EPHA6: variants seen among roughly 807,000 people sequenced by gnomAD.
EPHA6 encodes the protein EPH receptor A6, also known as ephrin type-A receptor 6.
Under a neutral mutation model 112.0 loss-of-function variants are expected in EPHA6, and 50 were observed. The observed-to-expected ratio is 0.45, with a 90% CI of 0.36 to 0.56. The LOEUF is 0.56. Ranked by LOEUF, EPHA6 falls within the 20% of genes least tolerant of loss-of-function variation. The pLI, the probability that EPHA6 is intolerant of heterozygous loss-of-function variation, is 0.00. For missense variants in EPHA6, 1,280 were observed against 1,417.4 expected, an observed-to-expected ratio of 0.90 and a Z score of 1.56; for synonymous variants, 529 against 490.7, an observed-to-expected ratio of 1.08 and a Z score of -1.03.
chr3:97,593,484 A>T (rs1009469387), intron 12 of EPHA6, among the ~76,000 whole-genome samples: 1 of 152,166 alleles, frequency 6.6e-6, no homozygotes, highest in Non-Finnish European at 1.5e-5. Flanking sequence ...CAGAATTCAA[A>T]TATTGATTCT....
At chr3:97,046,359 G>C (rs1282566181) in intron 3 of EPHA6, among the ~76,000 whole-genome samples, 1 of 152,048 alleles carries the variant, frequency 6.6e-6, no homozygotes, top group East Asian at 1.9e-4. Context: ...TCCTTTGATA[G>C]ATTTTAACAC....
Position 97,730,395 on chromosome 3 carries a change from T to C in EPHA6, c.2935-5530T>C, listed in dbSNP as rs143884207. Among the ~76,000 whole-genome samples the C allele has an allele frequency of 5.9e-5, 9 of 152,258 alleles. No individual in the cohort carries two copies. The East Asian group carries it at 1.7e-3, about 29-fold the overall frequency. On this transcript the variant is annotated intron_variant, in intron 15 of 17. Transcript: ENST00000389672. ...TAAGATAATAATTTCTGACAGAATG[T>C]AATTCCTTCTAACTTTTCATAAAAA...
At chr3:97,567,857 G>C (rs2093287359) in intron 11 of EPHA6, among the ~76,000 whole-genome samples, 1 of 152,160 alleles carries the variant, frequency 6.6e-6, no homozygotes, top group African/African-American at 2.4e-5. Flanking sequence ...GTGCTCAGGA[G>C]GCAGAAGACA....
chr3:97,358,467 T>C (rs900357543), intron 5 of EPHA6, among the ~76,000 whole-genome samples: 1 of 152,186 alleles, frequency 6.6e-6, no homozygotes, highest in Non-Finnish European at 1.5e-5. Context: ...TTTAAAGTTA[T>C]GTAAAAAACT....
intron 14 of EPHA6, among the ~76,000 whole-genome samples, chr3:97,651,958 G>T (rs187408665): frequency 2.6e-5 from 4 of 152,054 alleles, no homozygotes; most frequent in Admixed American, 2.0e-4. Flanking sequence ...CCACCACCCA[G>T]GTAGTGAGCA....
chr3:97,010,085 C>A (rs2044031095), intron 3 of EPHA6: 10 of 1,285,820 alleles, frequency 7.8e-6, no homozygotes, highest in Middle Eastern at 2.5e-4. Flanking sequence ...AAAGAAAAAG[C>A]AAAAGAGTAG....
Position 96,987,628 on chromosome 3 carries a change from G to A in EPHA6, c.749G>A (p.Ser250Asn), listed in dbSNP as rs2043070338. 1 of 1,611,506 alleles carries A rather than the reference G, an allele frequency of 6.2e-7. No homozygotes were observed. Among genetic ancestry groups the A allele is most frequent in the Admixed American group, 1.7e-5 (1 of 59,920 alleles). Reference sequence around the variant, plus strand: ...ATCGACACAATTGCTGCTGATGAGAGTTTTACCCAGATGGATTTGGGTGAT... The same window carrying A: ...ATCGACACAATTGCTGCTGATGAGAATTTTACCCAGATGGATTTGGGTGAT... ...TKIDTIAADESFTQMDLGDRI... is the reference protein window; with the variant it reads ...TKIDTIAADENFTQMDLGDRI... The change falls in exon 3 of 18, where the codon AGT becomes AAT. Residue 250 changes from serine to asparagine, a missense_variant. This residue lies in a region of EPHA6 where 878 missense variants were observed against 999.7 expected (regional missense o/e 0.88). Transcript: ENST00000389672.
chr3:97,214,915 A>G (rs914274020), intron 3 of EPHA6, among the ~76,000 whole-genome samples: 8 of 152,220 alleles, frequency 5.3e-5, no homozygotes, highest in African/African-American at 1.9e-4. Context: ...TTTATTGTAC[A>G]GCAGCATCTA....
At chr3:96,951,454 A>G (rs984005959) in intron 2 of EPHA6, among the ~76,000 whole-genome samples, 2 of 152,158 alleles carry the variant, frequency 1.3e-5, no homozygotes, top group Admixed American at 6.5e-5. Flanking sequence ...CAAGTATTTG[A>G]GAGACAATCT....
In EPHA6 at chr3:97,752,520, C is replaced by T. The variant is rs574938158; in HGVS notation, c.*3819C>T. The stretch of plus-strand genomic sequence containing the variant: ...TTTATTCCTTTCTCAGCTTCTATCA[C>T]GCCACACATTATCTCAATCAGCATA... On this transcript the variant is annotated 3_prime_UTR_variant, in exon 18 of 18. Transcript: ENST00000389672. 17 of 219,212 alleles carry T rather than the reference C, an allele frequency of 7.8e-5. No homozygotes were observed. Among genetic ancestry groups the T allele is most frequent in the African/African-American group, 1.8e-4 (8 of 44,542 alleles). The allele number at this position is 219,212 out of a possible 1,614,324, so 13.6% of individuals were successfully genotyped here. A position where few individuals can be genotyped will look rare whatever the true frequency, so the allele number is the denominator to read the frequency against.
chr3:97,640,465 T>C (rs1172727551), intron 14 of EPHA6, among the ~76,000 whole-genome samples: 2 of 152,102 alleles, frequency 1.3e-5, no homozygotes, highest in East Asian at 3.9e-4. Context: ...TAGACGCATG[T>C]CTTAGAAGAT....
At chr3:97,191,833 TG>T (rs2077314373) in intron 3 of EPHA6, among the ~76,000 whole-genome samples, 1 of 152,158 alleles carries the variant, frequency 6.6e-6, no homozygotes, top group African/African-American at 2.4e-5. Flanking sequence ...TTCCCTTCTT[TG>T]GGGTATATAT....
At chr3:97,229,684 C>T (rs914041276) in intron 4 of EPHA6, among the ~76,000 whole-genome samples, 2 of 152,050 alleles carry the variant, frequency 1.3e-5, no homozygotes, top group Admixed American at 1.3e-4. Context: ...ATTTTTTAAA[C>T]TTAACTAATG....
intron 5 of EPHA6, among the ~76,000 whole-genome samples, chr3:97,398,992 A>G (rs2086839391): frequency 6.6e-6 from 1 of 151,592 alleles, no homozygotes; most frequent in African/African-American, 2.4e-5. Context: ...ATTTAAAAAT[A>G]TGCAATAGCT....
intron 11 of EPHA6, among the ~76,000 whole-genome samples, chr3:97,575,343 G>T (rs546378464): frequency 6.6e-6 from 1 of 152,270 alleles, no homozygotes; most frequent in South Asian, 2.1e-4. Flanking sequence ...ACATTATGAT[G>T]CAGTGAAAAG....
intron 3 of EPHA6, among the ~76,000 whole-genome samples, chr3:97,192,032 G>A (rs935028944): frequency 6.6e-6 from 1 of 152,042 alleles, no homozygotes; most frequent in African/African-American, 2.4e-5. Context: ...TTTTAACTGG[G>A]GTGAGATGAT....
intron 6 of EPHA6, among the ~76,000 whole-genome samples, chr3:97,421,733 C>T (rs1046315067): frequency 3.3e-5 from 5 of 152,108 alleles, no homozygotes; most frequent in South Asian, 2.1e-4. Context: ...TTTAGAGTTA[C>T]TGTATAGTGC....
At chr3:96,942,458 G>A (rs569803737) in intron 2 of EPHA6, among the ~76,000 whole-genome samples, 18 of 152,264 alleles carry the variant, frequency 1.2e-4, no homozygotes, top group South Asian at 1.0e-3. Context: ...TTTTAAGCCC[G>A]TTGGAAAAGC....
At chr3:96,826,113 T>C (rs2033642928) in intron 1 of EPHA6, among the ~76,000 whole-genome samples, 1 of 151,950 alleles carries the variant, frequency 6.6e-6, no homozygotes, top group South Asian at 2.1e-4. Flanking sequence ...CTTTATACAG[T>C]ATCTAGCATA....
Sources: gnomAD v4.1 joint callset for allele counts (sites outside exome capture counted in the v4.1 genomes callset) on GRCh38, gnomAD v4.1.1 for gene constraint, gnomAD v4.1.1 regional missense constraint, MANE v1.5 for transcripts, NCBI Gene and HGNC (gene_info 2026-07-23, HGNC 2026-07-21) for gene names.